The following OSBPL1A variants were observed in gnomAD, a reference collection of about 807,000 sequenced individuals.
OSBPL1A encodes the protein oxysterol-binding protein-related protein 1.
A neutral mutation model predicts 137.1 loss-of-function variants in OSBPL1A; 80 were observed. That is an observed-to-expected ratio of 0.58 (90% CI 0.49 to 0.70). The LOEUF (loss-of-function observed/expected upper bound fraction) is 0.70, where lower values mean the gene tolerates loss of function less well. OSBPL1A is among the 30% of genes least tolerant of loss of function. The pLI, the probability that OSBPL1A is intolerant of heterozygous loss-of-function variation, is 0.00. For missense variants in OSBPL1A, 970 were observed against 1,129.4 expected (o/e 0.86, Z 2.02); for synonymous variants, 365 against 389.7 (o/e 0.94, Z 0.75).
Position 24,303,706 on chromosome 18 carries a change from A to C in OSBPL1A, c.1105T>G (p.Cys369Gly). 6.2e-7 allele frequency: 1 copy of C among 1,613,382 alleles called. No homozygotes were observed. The highest frequency in any genetic ancestry group is 1.7e-5 in the Admixed American group (1 of 59,996). The stretch of plus-strand genomic sequence containing the variant: ...ATTTCCCTATCTAGTCGCTGTTGGC[A>C]TGACTGTGCTTTCTGCAAAAAAAGA... ...LKKSLEKAQS[C>G]QQRLDREISN... The change falls in exon 14 of 28, where the codon TGC (cysteine) becomes GGC (glycine). Residue 369 changes from cysteine (C) to glycine (G), a missense_variant. Transcript: ENST00000319481.
chr18:24,235,401 C>T (rs1014741407), intron 16 of OSBPL1A, among the ~76,000 whole-genome samples: 13 of 126,888 alleles, frequency 1.0e-4, no homozygotes, highest in African/African-American at 3.1e-4. Flanking sequence ...AGTGAAGTAA[C>T]TTTCCCAAGA....
intron 1 of OSBPL1A, among the ~76,000 whole-genome samples, chr18:24,387,374 C>T (rs909202710): frequency 6.6e-6 from 1 of 151,968 alleles, no homozygotes; most frequent in Non-Finnish European, 1.5e-5. Flanking sequence ...TTTTTTATAG[C>T]AAAATACTTT....
intron 14 of OSBPL1A, among the ~76,000 whole-genome samples, chr18:24,301,651 C>T (rs922691900): frequency 1.3e-5 from 2 of 152,248 alleles, no homozygotes; most frequent in South Asian, 2.1e-4. Context: ...AATATGACAC[C>T]GTTATTATCT....
chr18:24,221,107 T>C (rs1057194376), intron 17 of OSBPL1A, among the ~76,000 whole-genome samples: 2 of 152,214 alleles, frequency 1.3e-5, no homozygotes, highest in Admixed American at 1.3e-4. Context: ...AAAACCAAGG[T>C]AGTTTTATTC....
Position 24,271,074 on chromosome 18 carries a change from A to G in OSBPL1A, c.1281+9768T>C, listed in dbSNP as rs2089706557. ...AGCCTGTGAGTAATCAAAAATCCTT[A>G]ATCAAAACATTAAAGTTAAAAGCCA... On this transcript the variant is annotated intron_variant, in intron 15 of 27. Coordinates refer to ENST00000319481, the MANE Select transcript of OSBPL1A (RefSeq NM_080597.4). This position sits in a 1 kb window ranked among gnomAD's most constrained non-coding sequence, Gnocchi z 4.0. Among the ~76,000 whole-genome samples, 1 of 152,148 alleles carries G rather than the reference A, an allele frequency of 6.6e-6. No individual in the cohort carries two copies. The highest frequency in any genetic ancestry group is 1.5e-5 in the Non-Finnish European group (1 of 68,028).
intron 17 of OSBPL1A, among the ~76,000 whole-genome samples, chr18:24,216,595 A>T (rs1436120851): frequency 6.6e-6 from 1 of 152,220 alleles, no homozygotes; most frequent in Non-Finnish European, 1.5e-5. Context: ...ATAGAAAACA[A>T]TGTTATTCTA....
intron 13 of OSBPL1A, among the ~76,000 whole-genome samples, chr18:24,306,662 T>C (rs555068272): frequency 1.8e-4 from 28 of 152,274 alleles, no homozygotes; most frequent in Admixed American, 9.8e-4. Flanking sequence ...TGGAGGGTAT[T>C]ATCTGGGAAG....
chr18:24,182,718 A>ATGTCTCTAT (rs1182844461), intron 18 of OSBPL1A, among the ~76,000 whole-genome samples: 2 of 152,182 alleles, frequency 1.3e-5, no homozygotes, highest in African/African-American at 4.8e-5. Flanking sequence ...GAGATGAGGG[A>ATGTCTCTAT]AAACAGGAAT....
At chr18:24,163,867 G>C (rs1018317704) in intron 27 of OSBPL1A, among the ~76,000 whole-genome samples, 13 of 151,880 alleles carry the variant, frequency 8.6e-5, no homozygotes, top group African/African-American at 2.9e-4. Context: ...CGAGTAGCTG[G>C]GATTACAGGC....
At chr18:24,198,654 G>A (rs1303905970) in intron 17 of OSBPL1A, among the ~76,000 whole-genome samples, 2 of 151,878 alleles carry the variant, frequency 1.3e-5, no homozygotes, top group African/African-American at 4.8e-5. Context: ...ACCGGCCCAC[G>A]AGACACCCAC....
At chr18:24,317,520 G>A in intron 9 of OSBPL1A, 120 bp from the exon 10 acceptor site, 1 of 634,882 alleles carries the variant, frequency 1.6e-6, no homozygotes, top group Non-Finnish European at 2.6e-6. Flanking sequence ...GCACTGAACA[G>A]TAAAAAAAAA....
At position 24,326,525 on chromosome 18, in the gene OSBPL1A, T is replaced by C. The variant is rs1405907872; in HGVS notation, c.625+6417A>G. Among the ~76,000 whole-genome samples, 3 of 152,186 alleles carry C rather than the reference T, an allele frequency of 2.0e-5. No individual in the cohort carries two copies. In the East Asian group the frequency reaches 5.8e-4, roughly 29 times the overall value. ...GGTTGAGAGATTGTGGTCTCCTGAG[T>C]GGAGTCACGGGGCAGCCATCTTCCA... On this transcript the variant is annotated intron_variant, in intron 7 of 27. Coordinates refer to ENST00000319481, the MANE Select transcript of OSBPL1A (RefSeq NM_080597.4).
At chr18:24,385,250 G>T (rs1352369236) in intron 1 of OSBPL1A, among the ~76,000 whole-genome samples, 1 of 152,110 alleles carries the variant, frequency 6.6e-6, no homozygotes, top group East Asian at 1.9e-4. Flanking sequence ...CACCGCACCC[G>T]GCCTGTAGGT....
intron 18 of OSBPL1A, 112 bp from the exon 19 acceptor site, chr18:24,181,391 A>G: frequency 1.7e-6 from 2 of 1,152,352 alleles, no homozygotes; most frequent in Non-Finnish European, 2.4e-6. Context: ...CTAGCAACCC[A>G]TGAAATTTCA....
intron 7 of OSBPL1A, among the ~76,000 whole-genome samples, chr18:24,329,434 C>T (rs921398289): frequency 6.6e-6 from 1 of 151,540 alleles, no homozygotes; most frequent in African/African-American, 2.4e-5. Context: ...CCTGTAATCC[C>T]AGATTCTCAG....
intron 26 of OSBPL1A, among the ~76,000 whole-genome samples, chr18:24,165,493 G>C (rs1485864736): frequency 6.6e-6 from 1 of 152,180 alleles, no homozygotes; most frequent in Non-Finnish European, 1.5e-5. Flanking sequence ...AAATTATTCT[G>C]AATTCTTAGG....
intron 15 of OSBPL1A, among the ~76,000 whole-genome samples, chr18:24,244,664 T>C (rs961292507): frequency 1.3e-5 from 2 of 152,238 alleles, no homozygotes; most frequent in African/African-American, 4.8e-5. Flanking sequence ...CACTTCAATA[T>C]GGCAGTCTCT....
chr18:24,210,958 CTT>C (rs57835662), intron 17 of OSBPL1A, among the ~76,000 whole-genome samples: 56 of 150,682 alleles, frequency 3.7e-4, no homozygotes, highest in African/African-American at 8.0e-4. Flanking sequence ...ACCCAAATAA[CTT>C]TTTTTTTTTG....
intron 21 of OSBPL1A, among the ~76,000 whole-genome samples, chr18:24,177,607 A>C (rs2086483292): frequency 6.6e-6 from 1 of 152,254 alleles, no homozygotes; most frequent in Non-Finnish European, 1.5e-5. Context: ...ACAAAAGAAG[A>C]GAACTCCCAA....
Sources: gnomAD v4.1 joint callset for allele counts (sites outside exome capture counted in the v4.1 genomes callset) on GRCh38, gnomAD v4.1.1 for gene constraint, Gnocchi (gnomAD v3.1) non-coding constraint, MANE v1.5 for transcripts, NCBI Gene and HGNC (gene_info 2026-07-23, HGNC 2026-07-21) for gene names.